The following NRG1 variants were observed in gnomAD, a reference collection of about 807,000 sequenced individuals.
The protein encoded by NRG1 is pro-neuregulin-1, membrane-bound isoform.
Under a neutral mutation model 63.8 loss-of-function variants are expected in NRG1, and 18 were observed. The observed-to-expected ratio is 0.28, with a 90% CI of 0.19 to 0.42. NRG1 has a LOEUF of 0.42. NRG1 is among the 10% of genes least tolerant of loss of function. The pLI, the probability that NRG1 is intolerant of heterozygous loss-of-function variation, is 1.00. For synonymous variants in NRG1, 302 were observed against 301.3 expected, an observed-to-expected ratio of 1.00 and a Z score of -0.02; for missense variants, 762 against 814.7, an observed-to-expected ratio of 0.94 and a Z score of 0.79.
chr8:32,394,203 C>T (rs1000937585), intron 1 of NRG1, among the ~76,000 whole-genome samples: 3 of 152,148 alleles, frequency 2.0e-5, no homozygotes, highest in Admixed American at 1.3e-4. Flanking sequence ...TTATCTTTAC[C>T]TCTGTCACTG....
intron 5 of NRG1, among the ~76,000 whole-genome samples, chr8:32,685,651 A>G (rs534603035): frequency 1.3e-3 from 191 of 152,326 alleles, no homozygotes; most frequent in Non-Finnish European, 2.0e-3. Flanking sequence ...AAATAATAAT[A>G]AGAAAAAATA....
chr8:32,552,934 C>T (rs1441200208), intron 1 of NRG1, among the ~76,000 whole-genome samples: 2 of 152,092 alleles, frequency 1.3e-5, no homozygotes, highest in African/African-American at 4.8e-5. Context: ...AATGAGGGAC[C>T]TGCTATTTAT....
chr8:31,848,682 A>G (rs1826920256), intron 1 of NRG1, among the ~76,000 whole-genome samples: 1 of 152,174 alleles, frequency 6.6e-6, no homozygotes, highest in African/African-American at 2.4e-5. Flanking sequence ...TCATAGAAGC[A>G]TGAACCCTAT....
intron 1 of NRG1, among the ~76,000 whole-genome samples, chr8:31,946,566 AT>A (rs1164670488): frequency 1.3e-5 from 2 of 152,146 alleles, no homozygotes; most frequent in East Asian, 3.9e-4. Context: ...TACTTAGAGA[AT>A]ATCTGTGATG....
At chr8:31,750,027 T>C (rs183876082) in intron 1 of NRG1, among the ~76,000 whole-genome samples, 1 of 151,968 alleles carries the variant, frequency 6.6e-6, no homozygotes, top group African/African-American at 2.4e-5. Flanking sequence ...ATTCTCTCAA[T>C]ACCACCTTCC....
chr8:32,044,618 G>T (rs1430962554), intron 1 of NRG1, among the ~76,000 whole-genome samples: 2 of 151,508 alleles, frequency 1.3e-5, no homozygotes, highest in African/African-American at 4.8e-5. Context: ...TATGTTTTTT[G>T]TCCATAGTGT....
intron 1 of NRG1, among the ~76,000 whole-genome samples, chr8:32,166,561 C>T (rs1839424975): frequency 1.3e-5 from 2 of 152,164 alleles, no homozygotes; most frequent in African/African-American, 4.8e-5. Context: ...TGTCCACTTA[C>T]AGCAAATTTG....
At chr8:32,259,917 A>G (rs563440164) in intron 1 of NRG1, among the ~76,000 whole-genome samples, 1 of 152,138 alleles carries the variant, frequency 6.6e-6, no homozygotes, top group East Asian at 1.9e-4. Flanking sequence ...TATTTCATTC[A>G]TTTCATTTTC....
At chr8:32,646,914 AGAGAGAG>A in intron 5 of NRG1, 1 of 984,942 alleles carries the variant, frequency 1.0e-6, no homozygotes, top group Non-Finnish European at 1.2e-6. Flanking sequence ...GGGAGGAAAG[AGAGAGAG>A]GAGAGAGGAC....
chr8:31,856,174 G>T (rs961232107), intron 1 of NRG1, among the ~76,000 whole-genome samples: 95 of 152,166 alleles, frequency 6.2e-4, no homozygotes, highest in African/African-American at 2.1e-3. Context: ...TGCTAGATTG[G>T]GGAAGTTCTC....
intron 1 of NRG1, among the ~76,000 whole-genome samples, chr8:32,576,342 A>T (rs960153704): frequency 1.3e-5 from 2 of 152,002 alleles, no homozygotes; most frequent in African/African-American, 4.8e-5. Context: ...TTTGTTTTTT[A>T]AAAAATAATT....
chr8:32,623,972 G>GAGATAT (rs199801213), intron 5 of NRG1, among the ~76,000 whole-genome samples: 107 of 152,160 alleles, frequency 7.0e-4, no homozygotes, highest in Middle Eastern at 3.4e-3. Flanking sequence ...GTATGTGTAT[G>GAGATAT]AGATATAGAT....
chr8:31,861,547 A>AT (rs1448269957), intron 1 of NRG1, among the ~76,000 whole-genome samples: 3 of 152,146 alleles, frequency 2.0e-5, no homozygotes, highest in Non-Finnish European at 2.9e-5. Flanking sequence ...TCCCAGGAAA[A>AT]TTTGTTTCTC....
At chr8:31,730,155 T>G (rs369392581) in intron 1 of NRG1, among the ~76,000 whole-genome samples, 1 of 152,312 alleles carries the variant, frequency 6.6e-6, no homozygotes, top group African/African-American at 2.4e-5. Flanking sequence ...TTGGTTAGAT[T>G]CAGGAATGGA....
intron 1 of NRG1, among the ~76,000 whole-genome samples, chr8:31,688,591 T>C (rs1245219238): frequency 6.6e-6 from 1 of 152,200 alleles, no homozygotes; most frequent in Non-Finnish European, 1.5e-5. Flanking sequence ...CATCATGTCA[T>C]AGACTAAAAA....
chr8:32,445,719 A>T (rs1820151601), intron 1 of NRG1, among the ~76,000 whole-genome samples: 1 of 152,158 alleles, frequency 6.6e-6, no homozygotes, highest in Admixed American at 6.5e-5. Flanking sequence ...GACAGCCAGA[A>T]TTGTCATCTA....
intron 1 of NRG1, among the ~76,000 whole-genome samples, chr8:31,883,017 C>T (rs750823130): frequency 1.3e-5 from 2 of 152,072 alleles, no homozygotes; most frequent in Non-Finnish European, 2.9e-5. Context: ...CCTCCAATTT[C>T]TCAAGAAATT....
chr8:31,927,164 G>T (rs756833936), intron 1 of NRG1, among the ~76,000 whole-genome samples: 1 of 152,128 alleles, frequency 6.6e-6, no homozygotes, highest in Non-Finnish European at 1.5e-5. Flanking sequence ...TTGAAAGTTA[G>T]GGGAGTCATG....
At chr8:31,816,952 C>G (rs1404656246) in intron 1 of NRG1, among the ~76,000 whole-genome samples, 2 of 152,086 alleles carry the variant, frequency 1.3e-5, no homozygotes, top group Admixed American at 1.3e-4. Flanking sequence ...ATAGGCTATA[C>G]ACATATTTTT....
Sources: allele counts gnomAD v4.1 joint callset (sites outside exome capture counted in the v4.1 genomes callset), GRCh38; gene constraint gnomAD v4.1.1; transcripts MANE v1.5; gene names NCBI Gene and HGNC (gene_info 2026-07-23, HGNC 2026-07-21).